The following CDC42BPB variants were observed in gnomAD, a reference collection of about 807,000 sequenced individuals.
CDC42BPB encodes CDC42 binding protein kinase beta, also known as serine/threonine-protein kinase MRCK beta.
In CDC42BPB, 37 loss-of-function variants were observed where a neutral mutation model predicts 214.9. The observed-to-expected ratio is 0.17, with a 90% CI of 0.13 to 0.23. The LOEUF (loss-of-function observed/expected upper bound fraction) is 0.23, where lower values mean the gene tolerates loss of function less well. Ranked by LOEUF, CDC42BPB falls within the 10% of genes least tolerant of loss-of-function variation. The pLI is 1.00. For missense variants in CDC42BPB, 1,694 were observed against 2,227.0 expected, an observed-to-expected ratio of 0.76 and a Z score of 4.82; for synonymous variants, 931 against 884.0, an observed-to-expected ratio of 1.05 and a Z score of -0.94.
At chr14:103,008,699 T>A in intron 2 of CDC42BPB, 144 bp from the exon 3 acceptor site, 14 of 1,449,652 alleles carry the variant, frequency 9.7e-6, no homozygotes, top group Non-Finnish European at 1.3e-5. Context: ...ACCTAGCATG[T>A]GCCAGTTCCT....
chr14:103,027,937 C>G (rs1221556258), intron 1 of CDC42BPB, among the ~76,000 whole-genome samples: 1 of 152,084 alleles, frequency 6.6e-6, no homozygotes, highest in Non-Finnish European at 1.5e-5. Context: ...CCAGGCCAGC[C>G]TGGCCAACAT....
In CDC42BPB at chr14:102,952,540, A is replaced by C. The variant is rs372111401; in HGVS notation, c.3130T>G (p.Ser1044Ala). The change falls in exon 24 of 37, where the codon TCC becomes GCC. Residue 1044 changes from serine (S) to alanine (A), a missense_variant. Ser to Ala is a moderately conservative substitution (Grantham distance 99). Transcript: ENST00000361246. ...SSPTQCSHCT[S>A]LMVGLIRQGY... The stretch of plus-strand genomic sequence containing the variant: ...TGCCGGATCAGCCCAACCATCAGGG[A>C]GGTGCAGTGGCTGCACTGAGTAGGG... 25 of 1,613,716 alleles carry C rather than the reference A, an allele frequency of 1.5e-5. No homozygotes were observed. The highest frequency in any genetic ancestry group is 2.0e-5 in the Non-Finnish European group (24 of 1,179,838).
chr14:103,031,330 G>A (rs1291354285), intron 1 of CDC42BPB, among the ~76,000 whole-genome samples: 1 of 152,084 alleles, frequency 6.6e-6, no homozygotes, highest in Non-Finnish European at 1.5e-5. Flanking sequence ...GGTAAGCCAG[G>A]AAAACTACCC....
Position 102,986,595 on chromosome 14 carries a change from AAC to A in CDC42BPB, c.597-17_597-16del. ...GTTTAATGTCTCTGTTTGTAAAATA[AAC>A]ACACAAATTAACCATCTCCATGCAA... On this transcript the variant is annotated splice_polypyrimidine_tract_variant and intron_variant, in intron 5 of 36. Coordinates refer to ENST00000361246, the MANE Select transcript of CDC42BPB (RefSeq NM_006035.4). 1 of 1,611,238 alleles carries A rather than the reference AAC, an allele frequency of 6.2e-7. No individual in the cohort carries two copies. The highest frequency in any genetic ancestry group is 8.5e-7 in the Non-Finnish European group (1 of 1,178,240).
At chr14:102,974,199 T>C (rs751689701) in intron 11 of CDC42BPB, 50 bp from the exon 12 acceptor site, 6 of 1,592,844 alleles carry the variant, frequency 3.8e-6, no homozygotes, top group Non-Finnish European at 5.1e-6. Context: ...AATGACTATA[T>C]GTAAACTTTA....
intron 19 of CDC42BPB, among the ~76,000 whole-genome samples, chr14:102,964,118 G>A (rs1462474981): frequency 6.6e-6 from 1 of 152,244 alleles, no homozygotes; most frequent in African/African-American, 2.4e-5. Flanking sequence ...ATTCACGTTA[G>A]CTTGAAAGGA....
Position 102,975,673 on chromosome 14 carries a change from T to TA in CDC42BPB, c.1507+10dup, listed in dbSNP as rs767919992. On this transcript the variant is annotated intron_variant, in intron 11 of 36. Transcript: ENST00000361246. ...AATAGAGACTAAGAAGTCACACTTT[T>TA]AAACACATACCTGCTATTTTATTCT... 2.5e-5 allele frequency: 41 copies of TA among 1,613,424 alleles called. No homozygotes were observed. The highest frequency in any genetic ancestry group is 3.1e-5 in the Non-Finnish European group (37 of 1,179,632).
At chr14:102,941,276 C>T (rs1412584747) in intron 30 of CDC42BPB, 1 of 985,342 alleles carries the variant, frequency 1.0e-6, no homozygotes, top group Non-Finnish European at 1.2e-6. Context: ...GCTCTTCTGC[C>T]TCCGGAGTTC....
intron 1 of CDC42BPB, among the ~76,000 whole-genome samples, chr14:103,022,901 C>G (rs1054725146): frequency 1.3e-5 from 2 of 152,162 alleles, no homozygotes; most frequent in African/African-American, 2.4e-5. Flanking sequence ...CACCCACCCC[C>G]CTCAGGCTCC....
chr14:103,023,964 G>C lies in CDC42BPB; in HGVS notation c.176-11776C>G, dbSNP rs965560245. On this transcript the variant is annotated intron_variant, in intron 1 of 36. Transcript: ENST00000361246. ...ACCCTTCACACCAGCAGCACTGATG[G>C]GGGCGGTGCCCACCCCGGCCCCAGG... Among the ~76,000 whole-genome samples, 10 of 152,308 alleles carry C rather than the reference G, an allele frequency of 6.6e-5. 1 individual carries two copies. The highest frequency in any genetic ancestry group is 4.1e-4 in the South Asian group (2 of 4,834).
intron 1 of CDC42BPB, among the ~76,000 whole-genome samples, chr14:103,031,765 T>C (rs1013852837): frequency 7.2e-5 from 11 of 152,118 alleles, no homozygotes; most frequent in African/African-American, 2.7e-4. Flanking sequence ...CCCGTCTGGC[T>C]TCTAAGGGCT....
In CDC42BPB at chr14:102,944,952, C is replaced by T. The variant is rs188570650; in HGVS notation, c.3812-465G>A. 7.2e-4 allele frequency among the ~76,000 whole-genome samples: 110 copies of T among 152,270 alleles called. No individual in the cohort carries two copies. The highest frequency in any genetic ancestry group is 2.3e-3 in the South Asian group (11 of 4,832). On this transcript the variant is annotated intron_variant, in intron 29 of 36. Coordinates refer to ENST00000361246, the MANE Select transcript of CDC42BPB (RefSeq NM_006035.4). This position sits in a 1 kb window ranked among gnomAD's most constrained non-coding sequence, Gnocchi z 6.6. ...AGACAAATCCTCTGAAGACGCTGCC[C>T]TCACAGGGCCCCCAGTGAAGACACT...
intron 5 of CDC42BPB, among the ~76,000 whole-genome samples, chr14:102,989,417 G>A (rs1317434634): frequency 2.0e-5 from 3 of 152,076 alleles, no homozygotes; most frequent in African/African-American, 7.2e-5. Flanking sequence ...TACCCTGAAG[G>A]CACACAACCA....
Position 102,964,488 on chromosome 14 carries a change from C to T in CDC42BPB, c.2726+14G>A. On this transcript the variant is annotated intron_variant, in intron 19 of 36. Coordinates refer to ENST00000361246, the MANE Select transcript of CDC42BPB (RefSeq NM_006035.4). ...CACTGCTCCTACCTGGAGTCAGACC[C>T]TGGCACCAAGTACCTTTCCAAGGTG... The T allele has an allele frequency of 6.2e-7, 1 of 1,612,938 alleles. No homozygotes were observed. The highest frequency in any genetic ancestry group is 8.5e-7 in the Non-Finnish European group (1 of 1,179,812).
intron 7 of CDC42BPB, among the ~76,000 whole-genome samples, chr14:102,983,034 A>C (rs545188156): frequency 1.3e-5 from 2 of 152,290 alleles, no homozygotes; most frequent in East Asian, 3.9e-4. Context: ...GGAAAAGAGG[A>C]AACAGGATGG....
chr14:102,996,281 A>G (rs1894729999), intron 5 of CDC42BPB, among the ~76,000 whole-genome samples: 2 of 152,134 alleles, frequency 1.3e-5, no homozygotes, highest in Non-Finnish European at 2.9e-5. Context: ...CGGAGCTTGC[A>G]GTGAGCTGAG....
At position 102,968,693 on chromosome 14, in the gene CDC42BPB, C is replaced by A. The variant is rs371133256; in HGVS notation, c.2019G>T (p.Ala673=). 2.5e-6 allele frequency: 4 copies of A among 1,613,912 alleles called. No homozygotes were observed. The Admixed American group carries it at 5.0e-5, about 20-fold the overall frequency. The change falls in exon 15 of 37, where the codon GCG becomes GCT. Residue 673 remains alanine (A), a synonymous_variant. Transcript: ENST00000361246. ...ALKVKQGGRG[A]GATLEHQQEI... is the part of the protein sequence containing the mutation. The stretch of plus-strand genomic sequence containing the variant: ...CTTGCTGGTGCTCTAAGGTGGCACC[C>A]GCTCCCCGGCCTCCTTGCTTCACCT...
chr14:103,043,386 A>G (rs1471797446), intron 1 of CDC42BPB, among the ~76,000 whole-genome samples: 4 of 152,246 alleles, frequency 2.6e-5, no homozygotes, highest in African/African-American at 9.6e-5. Flanking sequence ...ATACGCTACA[A>G]CATGGGATGA....
intron 1 of CDC42BPB, among the ~76,000 whole-genome samples, chr14:103,024,492 TA>T (rs1886941150): frequency 6.6e-6 from 1 of 152,198 alleles, no homozygotes; most frequent in Admixed American, 6.5e-5. Context: ...AAAGCATCAG[TA>T]AATAAGGTTC....
Sources: allele counts gnomAD v4.1 joint callset (sites outside exome capture counted in the v4.1 genomes callset), GRCh38; gene constraint gnomAD v4.1.1; non-coding constraint Gnocchi (gnomAD v3.1); transcripts MANE v1.5; gene names NCBI Gene and HGNC (gene_info 2026-07-23, HGNC 2026-07-21).